SDF4: variants seen among roughly 807,000 people sequenced by gnomAD.
SDF4 encodes the protein stromal cell derived factor 4.
In SDF4, 22 loss-of-function variants were observed where a neutral mutation model predicts 34.2. That is an observed-to-expected ratio of 0.64 (90% CI 0.46 to 0.92). SDF4 has a LOEUF of 0.92. SDF4 is among the 40% of genes least tolerant of loss of function. The probability of loss-of-function intolerance (pLI) is 0.00; values close to 1 mark genes in which losing one functional copy is unlikely to be tolerated. For missense variants in SDF4, 447 were observed against 499.9 expected (o/e 0.89, Z 1.01); for synonymous variants, 236 against 203.1 (o/e 1.16, Z -1.38).
chr1:1,222,003 T>A (rs1166607958), intron 4 of SDF4, among the ~76,000 whole-genome samples: 1 of 152,166 alleles, frequency 6.6e-6, no homozygotes, highest in East Asian at 1.9e-4. Context: ...GAAATGTGTG[T>A]TACTGATAAG....
chr1:1,222,581 G>A (rs960003029), intron 4 of SDF4, among the ~76,000 whole-genome samples: 3 of 152,268 alleles, frequency 2.0e-5, no homozygotes, highest in East Asian at 3.8e-4. Context: ...GGCACAGGCT[G>A]TGCCCTCTCC....
Position 1,228,648 on chromosome 1 carries a change from G to C in SDF4, c.125C>G (p.Ala42Gly). The part of the protein sequence containing the change: ...ANHSSTRERV[A>G]NREENEILPP... Reference sequence around the variant, plus strand: ...CAGGATCTCATTCTCCTCCCTGTTGGCTACTCTCTCTCGAGTGGACGAGTG... The same window carrying C: ...CAGGATCTCATTCTCCTCCCTGTTGCCTACTCTCTCTCGAGTGGACGAGTG... The change falls in exon 2 of 7, where the codon GCC (alanine) becomes GGC (glycine). Residue 42 changes from alanine to glycine, a missense_variant. Coordinates refer to ENST00000360001, the MANE Select transcript of SDF4 (RefSeq NM_016176.6). 1.2e-6 allele frequency: 2 copies of C among 1,613,226 alleles called. No homozygotes were observed. The highest frequency in any genetic ancestry group is 1.3e-5 in the African/African-American group (1 of 75,062).
chr1:1,221,420 G>C (rs1191119226), intron 4 of SDF4: 2 of 152,644 alleles, frequency 1.3e-5, no homozygotes, highest in African/African-American at 4.8e-5. Flanking sequence ...TGAATCAGCT[G>C]GGCATGGTGG....
Position 1,223,690 on chromosome 1 carries a change from A to G in SDF4, c.442+142T>C, listed in dbSNP as rs928885082. ...CATGAACCCAGCTTCCGTGCACCCC[A>G]CCACACCTCGGGGTCTCCGGCTGAC... is the stretch of plus-strand genomic sequence containing the variant. On this transcript the variant is annotated intron_variant, in intron 3 of 6. Coordinates refer to ENST00000360001, the MANE Select transcript of SDF4 (RefSeq NM_016176.6). The G allele has an allele frequency of 3.8e-5, 31 of 813,724 alleles. No homozygotes were observed. The African/African-American group carries it at 4.4e-4, about 12-fold the overall frequency. The allele number at this position is 813,724 out of a possible 1,614,324, so 50.4% of individuals were successfully genotyped here.
At position 1,223,359 on chromosome 1, in the gene SDF4, TG is replaced by T; in HGVS notation, c.443-3del. ...TATACTCGTCCCAAGACACGTGACC[TG>T]GAAGAGCAGATCACACCTGTCAGGG... On this transcript the variant is annotated splice_region_variant and splice_polypyrimidine_tract_variant and intron_variant, in intron 3 of 6. Coordinates refer to ENST00000360001, the MANE Select transcript of SDF4 (RefSeq NM_016176.6). 1.2e-6 allele frequency: 2 copies of T among 1,601,810 alleles called. No homozygotes were observed. The highest frequency in any genetic ancestry group is 1.7e-6 in the Non-Finnish European group (2 of 1,171,094).
In SDF4 at chr1:1,218,328, G is replaced by T; in HGVS notation, c.891+130C>A. On this transcript the variant is annotated intron_variant, in intron 6 of 6. Coordinates refer to ENST00000360001, the MANE Select transcript of SDF4 (RefSeq NM_016176.6). The surrounding 1 kb of genome is among the most constrained non-coding windows in gnomAD (Gnocchi z 7.9). ...TGGACACCGCTGAGCAAACGCCCCAGTGACCAGCCCAGATGGAGTCTCAGG... is the reference window on the plus strand; with the variant it reads ...TGGACACCGCTGAGCAAACGCCCCATTGACCAGCCCAGATGGAGTCTCAGG... 1 of 1,015,746 alleles carries T rather than the reference G, an allele frequency of 9.8e-7. No homozygotes were observed. 62.9% of individuals were successfully genotyped at this position (1,015,746 alleles called of 1,614,324 possible).
At chr1:1,219,388 C>G in intron 4 of SDF4, 1 of 1,045,714 alleles carries the variant, frequency 9.6e-7, no homozygotes, top group Non-Finnish European at 1.2e-6. Context: ...TGGGACCCCT[C>G]AGGATGGGCC....
intron 1 of SDF4, 104 bp from the exon 2 acceptor site, chr1:1,229,050 C>T (rs1011080332): frequency 1.3e-5 from 7 of 529,914 alleles, no homozygotes; most frequent in Non-Finnish European, 2.4e-5. Flanking sequence ...AGGATCCAGA[C>T]ATGTGGCATC....
chr1:1,219,783 A>G (rs895591235), intron 4 of SDF4: 8 of 985,842 alleles, frequency 8.1e-6, no homozygotes, highest in Admixed American at 6.1e-5. Context: ...GGCCAAGTCC[A>G]GTGTTGAGGC....
intron 2 of SDF4, among the ~76,000 whole-genome samples, chr1:1,227,555 C>T (rs1638350750): frequency 6.6e-6 from 1 of 152,206 alleles, no homozygotes. Flanking sequence ...CCAGGGTGTT[C>T]TCTCACCTGC....
In SDF4 at chr1:1,217,389, G is replaced by A. The variant is rs1357900332; in HGVS notation, c.*123C>T. The A allele has an allele frequency of 2.7e-5, 21 of 764,798 alleles. No homozygotes were observed. Among genetic ancestry groups the A allele is most frequent in the African/African-American group, 1.0e-4 (5 of 50,236 alleles). 47.4% of individuals were successfully genotyped at this position (764,798 alleles called of 1,614,324 possible). The stretch of plus-strand genomic sequence containing the variant: ...GCCGCTCATCAACTGGGGCAGCCGC[G>A]GTCGGTCGGCCGGTGGCGGGCGGCA... On this transcript the variant is annotated 3_prime_UTR_variant, in exon 7 of 7. Transcript: ENST00000360001. This position sits in a 1 kb window ranked among gnomAD's most constrained non-coding sequence, Gnocchi z 8.5.
rs770662500 is a variant in SDF4, at chr1:1,223,325, A to G, written c.475T>C (p.Phe159Leu). 1 of 1,613,772 alleles carries G rather than the reference A, an allele frequency of 6.2e-7. No individual in the cohort carries two copies. Reference protein sequence around the residue: ...HVSWDEYKVKFLASKGHSEKE... With the variant: ...HVSWDEYKVKLLASKGHSEKE... ...TCGCTATGGCCTTTACTCGCCAAAA[A>G]CTTCACCTTATACTCGTCCCAAGAC... Residue 159 changes from phenylalanine (F) to leucine (L), a missense_variant, in exon 4 of 7, where the codon TTT becomes CTT. Transcript: ENST00000360001.
Position 1,225,225 on chromosome 1 carries a change from C to T in SDF4, c.306-1257G>A, listed in dbSNP as rs115652309. 1.3e-3 allele frequency among the ~76,000 whole-genome samples: 197 copies of T among 152,348 alleles called. 2 individuals carry two copies. Among genetic ancestry groups the T allele is most frequent in the African/African-American group, 4.4e-3 (184 of 41,586 alleles). ...GGAAACTTAACCCCCAGGGCAACAG[C>T]ACTGGGAGGCAGGGCTTCCAGAGGT... On this transcript the variant is annotated intron_variant, in intron 2 of 6. Coordinates refer to ENST00000360001, the MANE Select transcript of SDF4 (RefSeq NM_016176.6).
chr1:1,223,680 C>T (rs1225559708), intron 3 of SDF4, 152 bp downstream of exon 3: 3 of 758,876 alleles, frequency 4.0e-6, no homozygotes, highest in Non-Finnish European at 6.3e-6. Flanking sequence ...ACCCAGCTTC[C>T]GTGCACCCCA....
intron 4 of SDF4, chr1:1,219,770 A>T: frequency 1.0e-6 from 1 of 985,886 alleles, no homozygotes; most frequent in African/African-American, 1.7e-5. Flanking sequence ...CACTGCAGTC[A>T]GTGGCCAAGT....
chr1:1,219,357 C>T, intron 4 of SDF4: 1 of 1,076,702 alleles, frequency 9.3e-7, no homozygotes, highest in South Asian at 2.5e-5. Context: ...CCCCAGGACA[C>T]AGCTCAGAGC....
At chr1:1,224,341 G>A (rs1218411780) in intron 2 of SDF4, among the ~76,000 whole-genome samples, 8 of 152,168 alleles carry the variant, frequency 5.3e-5, no homozygotes, top group Admixed American at 4.6e-4. Context: ...GTGTGGTGGC[G>A]CAATCTTTGC....
intron 2 of SDF4, among the ~76,000 whole-genome samples, chr1:1,225,255 G>A (rs1236784111): frequency 2.0e-5 from 3 of 152,238 alleles, no homozygotes; most frequent in Non-Finnish European, 4.4e-5. Context: ...AGAGGTGCGA[G>A]GTCTTGAGAC....
Position 1,218,787 on chromosome 1 carries a change from C to T in SDF4, c.697G>A (p.Glu233Lys). ...GCCTCACCCAGGTCCCGGACGATCT[C>T]CTTCACCATGAACCTGAGCATTCCC... ...SRGMLRFMVK[E>K]IVRDLDQDGD... The change falls in exon 5 of 7, where the codon GAG becomes AAG. Residue 233 changes from glutamate to lysine, a missense_variant. By Grantham distance (56) the Glu-to-Lys change is moderately conservative. Coordinates refer to ENST00000360001, the MANE Select transcript of SDF4 (RefSeq NM_016176.6). The surrounding 1 kb of genome is among the most constrained non-coding windows in gnomAD (Gnocchi z 7.9). 6.2e-7 allele frequency: 1 copy of T among 1,612,034 alleles called. No homozygotes were observed. Among genetic ancestry groups the T allele is most frequent in the Non-Finnish European group, 8.5e-7 (1 of 1,178,888 alleles).
Sources: allele counts gnomAD v4.1 joint callset (sites outside exome capture counted in the v4.1 genomes callset), GRCh38; gene constraint gnomAD v4.1.1; non-coding constraint Gnocchi (gnomAD v3.1); transcripts MANE v1.5; gene names NCBI Gene and HGNC (gene_info 2026-07-23, HGNC 2026-07-21).